CADM2: variants seen among roughly 807,000 people sequenced by gnomAD.
CADM2 encodes cell adhesion molecule 2.
CADM2 carries 12 observed loss-of-function variants against 49.8 expected under a neutral mutation model. That is an observed-to-expected ratio of 0.24 (90% CI 0.15 to 0.39). CADM2 has a LOEUF of 0.39. CADM2 is among the 10% of genes least tolerant of loss of function. The pLI, the probability that CADM2 is intolerant of heterozygous loss-of-function variation, is 1.00. For synonymous variants in CADM2, 214 were observed against 175.4 expected, an observed-to-expected ratio of 1.22 and a Z score of -1.74; for missense variants, 378 against 492.3, an observed-to-expected ratio of 0.77 and a Z score of 2.20.
At chr3:85,962,601 A>G (rs189872250) in intron 8 of CADM2, among the ~76,000 whole-genome samples, 16 of 152,028 alleles carry the variant, frequency 1.1e-4, no homozygotes, top group African/African-American at 3.6e-4. Flanking sequence ...TCTTTTAGAT[A>G]TTGTTAGATG....
chr3:85,898,955 A>ATATATATATATATATGTATTTTTTTTTTT (rs1475991339), intron 5 of CADM2, among the ~76,000 whole-genome samples: 4 of 33,908 alleles, frequency 1.2e-4, no homozygotes, highest in African/African-American at 5.8e-4. Context: ...ATATATATAT[A>ATATATATATATATATGTATTTTTTTTTTT]TTTTTTTTTT....
intron 1 of CADM2, among the ~76,000 whole-genome samples, chr3:85,328,922 T>C (rs2044831368): frequency 6.7e-6 from 1 of 149,474 alleles, no homozygotes; most frequent in South Asian, 2.1e-4. Flanking sequence ...AAAAAAGTTA[T>C]GTTGGAGACC....
chr3:85,204,837 G>A (rs1382705402), intron 1 of CADM2, among the ~76,000 whole-genome samples: 1 of 151,852 alleles, frequency 6.6e-6, no homozygotes. Context: ...TTTGCCTAAA[G>A]AATGATATAG....
chr3:85,710,209 C>T (rs2067075782), intron 1 of CADM2, among the ~76,000 whole-genome samples: 1 of 152,158 alleles, frequency 6.6e-6, no homozygotes, highest in Admixed American at 6.5e-5. Context: ...GACCTCCTTC[C>T]TCCAAACACC....
intron 6 of CADM2, among the ~76,000 whole-genome samples, chr3:85,928,364 G>A (rs905535734): frequency 1.3e-5 from 2 of 151,848 alleles, no homozygotes; most frequent in African/African-American, 4.8e-5. Flanking sequence ...TCACCATGTT[G>A]GGCAGAATAG....
intron 3 of CADM2, among the ~76,000 whole-genome samples, chr3:85,864,874 C>CT (rs1418899563): frequency 2.0e-5 from 3 of 152,024 alleles, no homozygotes; most frequent in African/African-American, 4.8e-5. Context: ...TTTTTGCTAT[C>CT]TTTTTTCTAG....
chr3:85,144,106 T>C (rs2039657589), intron 1 of CADM2, among the ~76,000 whole-genome samples: 1 of 152,144 alleles, frequency 6.6e-6, no homozygotes, highest in African/African-American at 2.4e-5. Flanking sequence ...CCAAAAACGT[T>C]GTAGGCTCTT....
chr3:85,540,532 A>T (rs2107030069), intron 1 of CADM2, among the ~76,000 whole-genome samples: 1 of 152,306 alleles, frequency 6.6e-6, no homozygotes, highest in African/African-American at 2.4e-5. Flanking sequence ...GCCAGTGGAT[A>T]TGTAATCAAC....
At chr3:85,949,085 C>A (rs1249720297) in intron 7 of CADM2, among the ~76,000 whole-genome samples, 1 of 151,382 alleles carries the variant, frequency 6.6e-6, no homozygotes, top group Non-Finnish European at 1.5e-5. Context: ...CAATGAAGCT[C>A]AGGGACAAGA....
chr3:85,197,487 G>C (rs759433907), intron 1 of CADM2, among the ~76,000 whole-genome samples: 2 of 151,944 alleles, frequency 1.3e-5, no homozygotes, highest in Non-Finnish European at 2.9e-5. Flanking sequence ...TCCCGTGCCT[G>C]TGGATTGGCT....
chr3:85,886,418 A>T (rs561212843), intron 5 of CADM2, 91 bp downstream of exon 5: 6 of 955,630 alleles, frequency 6.3e-6, no homozygotes, highest in Non-Finnish European at 9.7e-6. Flanking sequence ...TTTTCAAAAC[A>T]TAGTGTCTCT....
chr3:85,302,485 C>G (rs953588227), intron 1 of CADM2, among the ~76,000 whole-genome samples: 2 of 151,984 alleles, frequency 1.3e-5, no homozygotes, highest in Non-Finnish European at 2.9e-5. Flanking sequence ...GCTAATGTTT[C>G]CCTACATATT....
At chr3:85,092,764 T>C (rs1575845886) in intron 1 of CADM2, among the ~76,000 whole-genome samples, 1 of 152,108 alleles carries the variant, frequency 6.6e-6, no homozygotes, top group East Asian at 1.9e-4. Flanking sequence ...CACCTCAAAT[T>C]CATTCTGCAC....
In CADM2 at chr3:86,070,812, A is replaced by T. The variant is rs569028396; in HGVS notation, c.*4029A>T. The T allele has an allele frequency of 6.2e-4, 94 of 152,076 alleles. No individual in the cohort carries two copies. The highest frequency in any genetic ancestry group is 2.2e-3 in the African/African-American group (91 of 41,554). The allele number at this position is 152,076 out of a possible 1,614,324, so 9.4% of individuals were successfully genotyped here. ...TGCTGTGTATGGATGTTGGAAACCC[A>T]TGTAATTATAATATGCATTTTGAAT... On this transcript the variant is annotated 3_prime_UTR_variant, in exon 10 of 10. Coordinates refer to ENST00000383699, the MANE Select transcript of CADM2 (RefSeq NM_001167675.2).
intron 1 of CADM2, among the ~76,000 whole-genome samples, chr3:85,176,716 C>A (rs549156478): frequency 6.6e-6 from 1 of 152,208 alleles, no homozygotes; most frequent in Non-Finnish European, 1.5e-5. Flanking sequence ...GCTCTGTAGG[C>A]TTTTGGTATC....
chr3:85,127,906 T>C lies in CADM2; in HGVS notation c.61+168238T>C, dbSNP rs558965802. Among the ~76,000 whole-genome samples the C allele has an allele frequency of 2.0e-4, 31 of 152,260 alleles. No individual in the cohort carries two copies. The South Asian group carries it at 6.4e-3, about 32-fold the overall frequency. On this transcript the variant is annotated intron_variant, in intron 1 of 9. Coordinates refer to ENST00000383699, the MANE Select transcript of CADM2 (RefSeq NM_001167675.2). The stretch of plus-strand genomic sequence containing the variant: ...TACAATCTACGTTTGCCCCAAACAA[T>C]ACAGTTTCTGATAGCTGCTTGTGAC...
intron 5 of CADM2, among the ~76,000 whole-genome samples, chr3:85,889,491 C>G (rs942303703): frequency 1.3e-5 from 2 of 152,140 alleles, no homozygotes; most frequent in African/African-American, 4.8e-5. Context: ...TGTTGACGCT[C>G]CTGTTTCAGG....
chr3:85,517,322 C>A (rs1197349567), intron 1 of CADM2, among the ~76,000 whole-genome samples: 1 of 152,048 alleles, frequency 6.6e-6, no homozygotes, highest in Admixed American at 6.6e-5. Context: ...GGATCTATTT[C>A]AAATGAATTA....
At chr3:85,991,286 AC>A (rs1728743225) in intron 8 of CADM2, among the ~76,000 whole-genome samples, 1 of 152,184 alleles carries the variant, frequency 6.6e-6, no homozygotes, top group Non-Finnish European at 1.5e-5. Context: ...ACTTCCAAAT[AC>A]ATGTAAAACA....
Sources: allele counts gnomAD v4.1 joint callset (sites outside exome capture counted in the v4.1 genomes callset), GRCh38; gene constraint gnomAD v4.1.1; transcripts MANE v1.5; gene names NCBI Gene and HGNC (gene_info 2026-07-23, HGNC 2026-07-21).